The following KAZN variants were observed in gnomAD, a reference collection of about 807,000 sequenced individuals.
The protein encoded by KAZN is kazrin.
In KAZN, 40 loss-of-function variants were observed where a neutral mutation model predicts 87.4. The ratio of observed to expected loss-of-function variants is 0.46; its 90% CI spans 0.36 to 0.60. KAZN has a LOEUF of 0.60. Among genes scored for constraint, KAZN ranks in the 20% least tolerant of loss-of-function variants. The pLI is 0.00. For missense variants in KAZN, 898 were observed against 1,073.9 expected (o/e 0.84, Z 2.29); for synonymous variants, 466 against 458.3 (o/e 1.02, Z -0.22).
chr1:14,554,127 G>T (rs577273249), intron 2 of KAZN, among the ~76,000 whole-genome samples: 1 of 152,146 alleles, frequency 6.6e-6, no homozygotes, highest in Non-Finnish European at 1.5e-5. Flanking sequence ...TTTGAGCCTC[G>T]GTGACCTCAT....
At chr1:14,402,940 G>A (rs1663538602) in intron 2 of KAZN, among the ~76,000 whole-genome samples, 1 of 151,904 alleles carries the variant, frequency 6.6e-6, no homozygotes, top group Admixed American at 6.6e-5. Flanking sequence ...TGATTCTCAT[G>A]CCTCAGACTC....
At chr1:14,974,914 T>G (rs889398354) in intron 2 of KAZN, among the ~76,000 whole-genome samples, 1 of 152,258 alleles carries the variant, frequency 6.6e-6, no homozygotes, top group African/African-American at 2.4e-5. Flanking sequence ...ATGTTAAATA[T>G]GTACAGTTCA....
At chr1:14,456,513 A>G (rs1251535847) in intron 2 of KAZN, among the ~76,000 whole-genome samples, 1 of 152,168 alleles carries the variant, frequency 6.6e-6, no homozygotes, top group Non-Finnish European at 1.5e-5. Context: ...TAATTCATGT[A>G]GGTGACGTTG....
intron 8 of KAZN, among the ~76,000 whole-genome samples, chr1:15,086,076 T>G (rs925901708): frequency 3.3e-5 from 5 of 152,034 alleles, no homozygotes; most frequent in Non-Finnish European, 7.4e-5. Flanking sequence ...GTTCAAGCGA[T>G]TCTCCTGCCT....
intron 2 of KAZN, among the ~76,000 whole-genome samples, chr1:14,409,768 G>C (rs951164921): frequency 2.6e-5 from 4 of 152,084 alleles, no homozygotes; most frequent in African/African-American, 9.7e-5. Flanking sequence ...CAAACTGAGG[G>C]ACTAGACGCT....
At chr1:14,579,195 T>G (rs1261525292) in intron 2 of KAZN, among the ~76,000 whole-genome samples, 1 of 152,206 alleles carries the variant, frequency 6.6e-6, no homozygotes, top group Admixed American at 6.5e-5. Context: ...TCTCAGCTTA[T>G]AACAGTGTTT....
chr1:14,653,034 T>C (rs1638552632), intron 1 of KAZN, among the ~76,000 whole-genome samples: 1 of 152,172 alleles, frequency 6.6e-6, no homozygotes, highest in South Asian at 2.1e-4. Flanking sequence ...ACTGAGTTCC[T>C]GACCATATGA....
chr1:14,275,188 C>G (rs553470251), intron 2 of KAZN, among the ~76,000 whole-genome samples: 2 of 152,284 alleles, frequency 1.3e-5, no homozygotes, highest in South Asian at 4.1e-4. Context: ...TCCCTCTCCC[C>G]ACCAGGGAAG....
At chr1:14,540,118 T>C (rs965760277) in intron 2 of KAZN, among the ~76,000 whole-genome samples, 1 of 152,140 alleles carries the variant, frequency 6.6e-6, no homozygotes, top group African/African-American at 2.4e-5. Context: ...TGCTGCTAAG[T>C]GAAATATGAT....
chr1:14,427,985 C>G (rs548821709), intron 2 of KAZN, among the ~76,000 whole-genome samples: 1 of 152,266 alleles, frequency 6.6e-6, no homozygotes, highest in South Asian at 2.1e-4. Flanking sequence ...ATGATTCTAT[C>G]AATGTTTGGC....
chr1:14,523,991 C>CGGTTT (rs1671721498), intron 2 of KAZN, among the ~76,000 whole-genome samples: 1 of 148,914 alleles, frequency 6.7e-6, no homozygotes, highest in Non-Finnish European at 1.5e-5. Flanking sequence ...GCGTGTCACT[C>CGGTTT]GTTTTGTTTT....
intron 2 of KAZN, among the ~76,000 whole-genome samples, chr1:14,539,909 A>G (rs1410799142): frequency 1.3e-5 from 2 of 152,200 alleles, no homozygotes; most frequent in Admixed American, 1.3e-4. Context: ...ACTTAAAGTC[A>G]TCTTTTCCTG....
intron 2 of KAZN, among the ~76,000 whole-genome samples, chr1:14,291,486 C>T (rs57782223): frequency 0.059 from 8,969 of 152,246 alleles, 876 homozygotes; most frequent in African/African-American, 0.2. Context: ...TGGGACCTGC[C>T]GAGCCAGGCA....
intron 2 of KAZN, among the ~76,000 whole-genome samples, chr1:14,188,645 G>T (rs1646362550): frequency 6.6e-6 from 1 of 152,148 alleles, no homozygotes; most frequent in Non-Finnish European, 1.5e-5. Context: ...TAACTTACCG[G>T]AAGAGCAGCC....
intron 2 of KAZN, among the ~76,000 whole-genome samples, chr1:14,340,887 C>CTTTTTTT (rs1557650364): frequency 2.2e-5 from 1 of 45,124 alleles, no homozygotes; most frequent in African/African-American, 1.2e-4. Context: ...CATGATTTTC[C>CTTTTTTT]CTTTTTTTTT....
At position 15,080,087 on chromosome 1, in the gene KAZN, T is replaced by C. The variant is rs557329037; in HGVS notation, c.1223-14093T>C. ...CCCAGGATCTCAATTCCCTGGCCCT[T>C]TGGAAAATTTTCAGAGTGTGGCAGG... On this transcript the variant is annotated intron_variant, in intron 8 of 14. Transcript: ENST00000376030. Among the ~76,000 whole-genome samples the C allele has an allele frequency of 7.2e-5, 11 of 152,098 alleles. No homozygotes were observed. The South Asian group carries it at 1.0e-3, about 14-fold the overall frequency.
intron 1 of KAZN, among the ~76,000 whole-genome samples, chr1:14,006,954 A>G (rs1340096770): frequency 1.3e-5 from 2 of 152,106 alleles, no homozygotes; most frequent in Non-Finnish European, 2.9e-5. Flanking sequence ...TCATTCTTTC[A>G]ATTTGTGAAC....
Position 14,117,349 on chromosome 1 carries a change from A to G in KAZN, c.92-63086A>G, listed in dbSNP as rs546472910. On this transcript the variant is annotated intron_variant, in intron 1 of 16. Transcript: ENST00000636203. ...TGTGATAGTGAATAAGTCTCATGGG[A>G]ACTGATGATTTTAAAAAGGGGAATT... is the stretch of plus-strand genomic sequence containing the variant. Among the ~76,000 whole-genome samples the G allele has an allele frequency of 7.3e-3, 1,115 of 152,064 alleles. 8 individuals are homozygous for G. Among genetic ancestry groups the G allele is most frequent in the Non-Finnish European group, 0.012 (822 of 67,982 alleles).
At chr1:14,191,133 A>C (rs1282912295) in intron 2 of KAZN, among the ~76,000 whole-genome samples, 1 of 152,176 alleles carries the variant, frequency 6.6e-6, no homozygotes, top group Non-Finnish European at 1.5e-5. Context: ...CATTTAAGCA[A>C]AAGGGTGCAT....
Sources: allele counts gnomAD v4.1 joint callset (sites outside exome capture counted in the v4.1 genomes callset), GRCh38; gene constraint gnomAD v4.1.1; transcripts MANE v1.5; gene names NCBI Gene and HGNC (gene_info 2026-07-23, HGNC 2026-07-21).